The following DAB1 variants were observed in gnomAD, a reference collection of about 807,000 sequenced individuals.
The protein encoded by DAB1 is DAB adaptor protein 1.
A neutral mutation model predicts 64.6 loss-of-function variants in DAB1; 15 were observed. The ratio of observed to expected loss-of-function variants is 0.23; its 90% CI spans 0.16 to 0.36. The LOEUF (loss-of-function observed/expected upper bound fraction) is 0.36, where lower values mean the gene tolerates loss of function less well. Ranked by LOEUF, DAB1 falls within the 10% of genes least tolerant of loss-of-function variation. The pLI, the probability that DAB1 is intolerant of heterozygous loss-of-function variation, is 1.00. For synonymous variants in DAB1, 235 were observed against 251.9 expected (o/e 0.93, Z 0.64); for missense variants, 596 against 706.7 (o/e 0.84, Z 1.78).
chr1:58,043,655 C>T (rs1018476424), intron 5 of DAB1, among the ~76,000 whole-genome samples: 2 of 152,200 alleles, frequency 1.3e-5, no homozygotes, highest in African/African-American at 4.8e-5. Context: ...TTTCTTTTCT[C>T]ATCTATAAAA....
chr1:58,190,710 C>A (rs1012081435), intron 4 of DAB1, among the ~76,000 whole-genome samples: 10 of 152,222 alleles, frequency 6.6e-5, no homozygotes, highest in Admixed American at 1.3e-4. Flanking sequence ...CACTCCGTGT[C>A]ATGTCTTTGA....
chr1:57,682,633 A>G (rs1646648848), intron 6 of DAB1, among the ~76,000 whole-genome samples: 1 of 152,056 alleles, frequency 6.6e-6, no homozygotes, highest in Non-Finnish European at 1.5e-5. Context: ...GATTCTAGAC[A>G]CAGGGGACCC....
rs958748809 is a variant in DAB1 at position 58,375,907 on chromosome 1, T to C, written n.258-32504A>G. ...GATTCAACTTCTTCCTGGTTTAGTC[T>C]TGGGAGACTGTATGTGTCCAGGAAT... On this transcript the variant is annotated intron_variant and non_coding_transcript_variant, in intron 3 of 20. Transcript: ENST00000485760. Among the ~76,000 whole-genome samples, 2 of 143,792 alleles carry C rather than the reference T, an allele frequency of 1.4e-5. 1 individual carries two copies. The highest frequency in any genetic ancestry group is 3.1e-5 in the Non-Finnish European group (2 of 64,014). 94.3% of individuals were successfully genotyped at this position (143,792 alleles called of 152,430 possible). A position where few individuals can be genotyped will look rare whatever the true frequency, so the allele number is the denominator to read the frequency against.
chr1:57,191,717 C>A (rs1342097753), intron 2 of DAB1, among the ~76,000 whole-genome samples: 1 of 152,064 alleles, frequency 6.6e-6, no homozygotes, highest in African/African-American at 2.4e-5. Context: ...TTGGAGCACA[C>A]CTGGAAAAGC....
rs531046283 is a variant in DAB1, at chr1:57,507,255, T to C, written n.625+142337A>G. Reference sequence around the variant, plus strand: ...CCAGATTGGTCCACTCATTACTGCATGCATGTGCCGTCTCTGATTATGGAG... The same window carrying C: ...CCAGATTGGTCCACTCATTACTGCACGCATGTGCCGTCTCTGATTATGGAG... On this transcript the variant is annotated intron_variant and non_coding_transcript_variant, in intron 7 of 20. Coordinates refer to the DAB1 transcript ENST00000485760. Among the ~76,000 whole-genome samples, 5 of 152,340 alleles carry C rather than the reference T, an allele frequency of 3.3e-5. No homozygotes were observed. In the South Asian group the frequency reaches 1.0e-3, roughly 32 times the overall value.
At chr1:57,655,765 T>G (rs1303596679) in intron 6 of DAB1, among the ~76,000 whole-genome samples, 1 of 152,212 alleles carries the variant, frequency 6.6e-6, no homozygotes, top group South Asian at 2.1e-4. Context: ...GTAACTTTTG[T>G]AAAATATACA....
At chr1:58,332,998 C>T (rs1663009616) in intron 4 of DAB1, among the ~76,000 whole-genome samples, 1 of 152,150 alleles carries the variant, frequency 6.6e-6, no homozygotes. Flanking sequence ...GCAACCTCTG[C>T]TCCCGGGTTC....
At chr1:58,201,771 C>G (rs1658011978) in intron 4 of DAB1, among the ~76,000 whole-genome samples, 1 of 152,210 alleles carries the variant, frequency 6.6e-6, no homozygotes, top group Admixed American at 6.5e-5. Flanking sequence ...CTCAACATTT[C>G]ATGGGGAAGT....
intron 2 of DAB1, among the ~76,000 whole-genome samples, chr1:57,281,018 G>A (rs1671841606): frequency 6.6e-6 from 1 of 152,170 alleles, no homozygotes; most frequent in South Asian, 2.1e-4. Flanking sequence ...AGGGTGCTGT[G>A]AGACTCCTTA....
At chr1:58,357,329 G>A (rs2100521286) in intron 3 of DAB1, among the ~76,000 whole-genome samples, 1 of 152,208 alleles carries the variant, frequency 6.6e-6, no homozygotes, top group East Asian at 1.9e-4. Flanking sequence ...CTGGGGGTGA[G>A]GAAAAGAGAA....
chr1:58,343,243 A>AGATG (rs144281159), intron 4 of DAB1: 34,049 of 147,166 alleles, frequency 0.23, 4,326 homozygotes, highest in African/African-American at 0.34. Flanking sequence ...TGGAACATAT[A>AGATG]GATGGATGGA....
At chr1:58,464,112 A>G (rs1392517730) in intron 3 of DAB1, among the ~76,000 whole-genome samples, 1 of 152,246 alleles carries the variant, frequency 6.6e-6, no homozygotes. Context: ...ATGTGGAAGC[A>G]AAGTGCTCTG....
chr1:58,392,106 T>C (rs186048009), intron 3 of DAB1, among the ~76,000 whole-genome samples: 1 of 152,274 alleles, frequency 6.6e-6, no homozygotes, highest in Admixed American at 6.5e-5. Flanking sequence ...TGCATCAGAT[T>C]ATGGTTCTGG....
At chr1:57,592,231 A>G (rs901418443) in intron 7 of DAB1, among the ~76,000 whole-genome samples, 6 of 152,206 alleles carry the variant, frequency 3.9e-5, no homozygotes, top group Non-Finnish European at 7.3e-5. Context: ...GCCTTAGGCT[A>G]TGTCTTCTGG....
intron 6 of DAB1, among the ~76,000 whole-genome samples, chr1:57,805,095 T>C (rs543437327): frequency 1.6e-4 from 25 of 152,266 alleles, no homozygotes; most frequent in African/African-American, 5.8e-4. Context: ...GCATGTGGTA[T>C]TGAGATTTAG....
intron 6 of DAB1, among the ~76,000 whole-genome samples, chr1:57,740,737 C>A (rs528665031): frequency 1.3e-5 from 2 of 152,084 alleles, no homozygotes; most frequent in South Asian, 4.1e-4. Context: ...TAGATGTCGG[C>A]GATTCTGATT....
At chr1:57,121,981 C>T (rs773935561) in intron 4 of DAB1, among the ~76,000 whole-genome samples, 18 of 152,036 alleles carry the variant, frequency 1.2e-4, no homozygotes, top group Non-Finnish European at 1.9e-4. Flanking sequence ...ATAGCCCCTC[C>T]GATATTTTCA....
chr1:57,264,054 T>G (rs933891387), intron 2 of DAB1, among the ~76,000 whole-genome samples: 12 of 152,208 alleles, frequency 7.9e-5, no homozygotes, highest in Non-Finnish European at 1.6e-4. Flanking sequence ...ATGAATATCT[T>G]CCATATATAT....
intron 5 of DAB1, among the ~76,000 whole-genome samples, chr1:57,919,107 A>T (rs1644773736): frequency 6.6e-6 from 1 of 152,162 alleles, no homozygotes; most frequent in South Asian, 2.1e-4. Flanking sequence ...CCCATTCACT[A>T]TGTGTCCCTG....
Sources: gnomAD v4.1 joint callset for allele counts (sites outside exome capture counted in the v4.1 genomes callset) on GRCh38, gnomAD v4.1.1 for gene constraint, MANE v1.5 for transcripts, NCBI Gene and HGNC (gene_info 2026-07-23, HGNC 2026-07-21) for gene names.